ZNF385D: variants seen among roughly 807,000 people sequenced by gnomAD.
The protein encoded by ZNF385D is zinc finger protein 659.
A neutral mutation model predicts 35.8 loss-of-function variants in ZNF385D; 15 were observed. That is an observed-to-expected ratio of 0.42 (90% CI 0.28 to 0.64). The LOEUF (loss-of-function observed/expected upper bound fraction) is 0.64. Among genes scored for constraint, ZNF385D ranks in the 30% least tolerant of loss-of-function variants. The pLI is 0.23. For synonymous variants in ZNF385D, 212 were observed against 186.8 expected, an observed-to-expected ratio of 1.13 and a Z score of -1.10; for missense variants, 474 against 494.6, an observed-to-expected ratio of 0.96 and a Z score of 0.39.
chr3:21,766,198 C>A (rs905752884), intron 3 of ZNF385D, among the ~76,000 whole-genome samples: 2 of 151,984 alleles, frequency 1.3e-5, no homozygotes, highest in African/African-American at 2.4e-5. Context: ...AGATGAGAGA[C>A]CTGTTTTCTT....
chr3:21,481,502 A>T (rs1704625404), intron 4 of ZNF385D, among the ~76,000 whole-genome samples: 1 of 152,158 alleles, frequency 6.6e-6, no homozygotes, highest in African/African-American at 2.4e-5. Context: ...TCATCGCCTC[A>T]TGAGATAGAC....
intron 5 of ZNF385D, among the ~76,000 whole-genome samples, chr3:21,430,803 C>T (rs17008695): frequency 2.8e-4 from 42 of 152,130 alleles, no homozygotes; most frequent in African/African-American, 9.6e-4. Context: ...CCAAGAAAGC[C>T]TAGTGAAAAG....
At chr3:22,132,499 A>G (rs1478467233) in intron 3 of ZNF385D, among the ~76,000 whole-genome samples, 2 of 152,200 alleles carry the variant, frequency 1.3e-5, no homozygotes, top group African/African-American at 2.4e-5. Flanking sequence ...GGAACTAAGA[A>G]TAAGATATAG....
At chr3:21,425,958 A>G (rs540164490) in intron 5 of ZNF385D, among the ~76,000 whole-genome samples, 1 of 152,296 alleles carries the variant, frequency 6.6e-6, no homozygotes, top group Admixed American at 6.5e-5. Flanking sequence ...CCGTTAGTAT[A>G]GTAACTAAAC....
chr3:21,760,153 G>C (rs566947648), intron 3 of ZNF385D, among the ~76,000 whole-genome samples: 1 of 152,210 alleles, frequency 6.6e-6, no homozygotes, highest in Admixed American at 6.5e-5. Context: ...AATCCTAAAG[G>C]CTCATCTCTG....
chr3:22,108,300 G>C (rs1013933918), intron 3 of ZNF385D, among the ~76,000 whole-genome samples: 2 of 151,572 alleles, frequency 1.3e-5, no homozygotes, highest in Admixed American at 6.6e-5. Context: ...CATCTGTCGA[G>C]TGTTCGATTT....
chr3:22,050,042 A>T (rs753428527), intron 3 of ZNF385D, among the ~76,000 whole-genome samples: 7 of 152,078 alleles, frequency 4.6e-5, no homozygotes, highest in Non-Finnish European at 1.0e-4. Flanking sequence ...TTTTTGGAGC[A>T]GTTTGAGAAG....
At chr3:21,561,644 G>GTGT (rs1176599280) in intron 3 of ZNF385D, among the ~76,000 whole-genome samples, 3 of 152,176 alleles carry the variant, frequency 2.0e-5, no homozygotes, top group Admixed American at 1.3e-4. Context: ...CCTAATTTCA[G>GTGT]TGTTGTGTCT....
chr3:21,726,939 A>G (rs1356541450), intron 1 of ZNF385D, among the ~76,000 whole-genome samples: 9 of 152,226 alleles, frequency 5.9e-5, no homozygotes, highest in African/African-American at 1.4e-4. Flanking sequence ...AGGCTGTAGT[A>G]ACCAGAACAG....
At chr3:22,270,037 G>C (rs1340427463) in intron 2 of ZNF385D, among the ~76,000 whole-genome samples, 2 of 151,904 alleles carry the variant, frequency 1.3e-5, no homozygotes, top group East Asian at 1.9e-4. Context: ...CTCTGGCTCA[G>C]ACTCTCTGGG....
intron 3 of ZNF385D, among the ~76,000 whole-genome samples, chr3:22,153,088 G>A (rs1389002870): frequency 1.3e-5 from 2 of 152,116 alleles, no homozygotes; most frequent in South Asian, 2.1e-4. Context: ...ATGTACTACT[G>A]CATACAACCA....
At chr3:22,230,707 C>T (rs1698835269) in intron 2 of ZNF385D, among the ~76,000 whole-genome samples, 1 of 152,066 alleles carries the variant, frequency 6.6e-6, no homozygotes, top group Non-Finnish European at 1.5e-5. Context: ...TGTAATTTGG[C>T]TTTATACAAG....
intron 3 of ZNF385D, among the ~76,000 whole-genome samples, chr3:21,547,777 C>T (rs1485394943): frequency 6.6e-6 from 1 of 151,820 alleles, no homozygotes; most frequent in Admixed American, 6.6e-5. Context: ...CCACCATGCC[C>T]GGCTAATTTT....
intron 2 of ZNF385D, among the ~76,000 whole-genome samples, chr3:21,594,163 A>T (rs557919013): frequency 6.6e-6 from 1 of 152,338 alleles, no homozygotes; most frequent in Non-Finnish European, 1.5e-5. Context: ...TTGTTCTTTT[A>T]TCAATTAAAA....
chr3:22,193,667 G>C (rs1377813227), intron 2 of ZNF385D, among the ~76,000 whole-genome samples: 2 of 151,866 alleles, frequency 1.3e-5, no homozygotes, highest in African/African-American at 4.8e-5. Flanking sequence ...GAAACTTTAG[G>C]AATGAGTTCA....
chr3:22,118,888 T>C (rs1702943150), intron 3 of ZNF385D, among the ~76,000 whole-genome samples: 2 of 152,162 alleles, frequency 1.3e-5, no homozygotes, highest in Admixed American at 6.6e-5. Flanking sequence ...GCTTTGTAGA[T>C]AAAAGTTTTT....
At chr3:21,936,726 C>T (rs2125261597) in intron 3 of ZNF385D, among the ~76,000 whole-genome samples, 2 of 152,160 alleles carry the variant, frequency 1.3e-5, no homozygotes, top group East Asian at 3.9e-4. Context: ...ATTCAAGTTT[C>T]TTGTCCTCAT....
intron 1 of ZNF385D, among the ~76,000 whole-genome samples, chr3:21,666,121 G>T (rs370912667): frequency 6.6e-6 from 1 of 152,176 alleles, no homozygotes; most frequent in Non-Finnish European, 1.5e-5. Flanking sequence ...GAGTCTCCTC[G>T]TATAAATTGC....
chr3:21,800,373 A>G (rs2072340469), intron 3 of ZNF385D, among the ~76,000 whole-genome samples: 1 of 152,192 alleles, frequency 6.6e-6, no homozygotes, highest in Admixed American at 6.5e-5. Context: ...TATCCAATCC[A>G]TTAACATGGA....
Sources: gnomAD v4.1 joint callset for allele counts (sites outside exome capture counted in the v4.1 genomes callset) on GRCh38, gnomAD v4.1.1 for gene constraint, MANE v1.5 for transcripts, NCBI Gene and HGNC (gene_info 2026-07-23, HGNC 2026-07-21) for gene names.